Variants in SELENOP observed in about 807,000 individuals in gnomAD.
SELENOP encodes selenoprotein P, plasma, 1.
SELENOP carries 36 observed loss-of-function variants against 41.0 expected under a neutral mutation model. The observed-to-expected ratio is 0.88, with a 90% CI of 0.67 to 1.16. The LOEUF (loss-of-function observed/expected upper bound fraction) is 1.16, where lower values mean the gene tolerates loss of function less well. Among genes scored for constraint, SELENOP ranks in the 50% most tolerant of loss-of-function variants. The pLI, the probability that SELENOP is intolerant of heterozygous loss-of-function variation, is 0.00. For missense variants in SELENOP, 440 were observed against 454.2 expected (o/e 0.97, Z 0.28); for synonymous variants, 144 against 150.8 (o/e 0.95, Z 0.33).
At chr5:42,807,146 C>G (rs746232684) in intron 2 of SELENOP, 38 bp from the exon 3 acceptor site, 58 of 1,043,666 alleles carry the variant, frequency 5.6e-5, no homozygotes, top group Non-Finnish European at 8.2e-5. Context: ...AATGAATAAT[C>G]TCATTTGATT....
At chr5:42,810,339 TAGAA>T (rs1457730082) in intron 1 of SELENOP, among the ~76,000 whole-genome samples, 1 of 152,246 alleles carries the variant, frequency 6.6e-6, no homozygotes, top group African/African-American at 2.4e-5. Context: ...TATTTCTTAA[TAGAA>T]AGGCTAGGTT....
intron 4 of SELENOP, among the ~76,000 whole-genome samples, chr5:42,804,207 A>G (rs1011289752): frequency 6.6e-6 from 1 of 152,352 alleles, no homozygotes; most frequent in African/African-American, 2.4e-5. Context: ...CACGCCTGTA[A>G]TCCCAGCACT....
At chr5:42,805,733 T>G (rs1310151746) in intron 3 of SELENOP, 1 of 152,202 alleles carries the variant, frequency 6.6e-6, no homozygotes, top group Non-Finnish European at 1.5e-5. Flanking sequence ...TTGTACAGGA[T>G]ATACAAATTG....
chr5:42,805,134 C>A (rs1031239876), intron 3 of SELENOP: 10 of 156,854 alleles, frequency 6.4e-5, no homozygotes, highest in Non-Finnish European at 1.1e-4. Flanking sequence ...ATCACTTGAG[C>A]TTGTCATAAC....
At chr5:42,801,444 G>T in intron 4 of SELENOP, 113 bp from the exon 5 acceptor site, 1 of 776,472 alleles carries the variant, frequency 1.3e-6, no homozygotes, top group Non-Finnish European at 2.0e-6. Flanking sequence ...TTAGAATCGA[G>T]CTGGCTTTGT....
chr5:42,805,497 C>T (rs562766596), intron 3 of SELENOP: 13 of 152,236 alleles, frequency 8.5e-5, no homozygotes, highest in African/African-American at 3.1e-4. Flanking sequence ...AAAAACAAAG[C>T]ACCAACTAAG....
At chr5:42,807,831 G>A (rs1259499269) in intron 2 of SELENOP, 1 of 164,100 alleles carries the variant, frequency 6.1e-6, no homozygotes, top group Non-Finnish European at 1.3e-5. Context: ...TCTGCCTCTT[G>A]TATTGAAGTA....
chr5:42,804,685 C>T lies in SELENOP; in HGVS notation c.505G>A (p.Glu169Lys). 2 of 1,599,402 alleles carry T rather than the reference C, an allele frequency of 1.3e-6. No individual in the cohort carries two copies. Among genetic ancestry groups the T allele is most frequent in the Non-Finnish European group, 1.7e-6 (2 of 1,170,524 alleles). The change falls in exon 4 of 5, where the codon GAA (glutamate) becomes AAA (lysine). Residue 169 changes from glutamate to lysine, a missense_variant. By Grantham distance (56) the Glu-to-Lys change is moderately conservative. Coordinates refer to ENST00000514985, the MANE Select transcript of SELENOP (RefSeq NM_005410.4). Reference sequence around the variant, plus strand: ...AGAGAGCAGTTTCCACATTTCTTTTCACAGTAAGCAATCTTAATGGCTTCT... The same window carrying T: ...AGAGAGCAGTTTCCACATTTCTTTTTACAGTAAGCAATCTTAATGGCTTCT... ...VEEAIKIAYCEKKCGNCSLTT... is the reference protein window; with the variant it reads ...VEEAIKIAYCKKKCGNCSLTT...
rs1263225627 is a variant in SELENOP at position 42,804,691 on chromosome 5, A to G, written c.499T>C (p.Tyr167His). 1 of 1,606,304 alleles carries G rather than the reference A, an allele frequency of 6.2e-7. No homozygotes were observed. The highest frequency in any genetic ancestry group is 1.3e-5 in the African/African-American group (1 of 74,614). Residue 167 changes from tyrosine (Y) to histidine (H), a missense_variant, in exon 4 of 5, where the codon TAC (tyrosine) becomes CAC (histidine). By Grantham distance (83) the Tyr-to-His change is moderately conservative. Transcript: ENST00000514985. The part of the protein sequence containing the change: ...PYVEEAIKIA[Y>H]CEKKCGNCSL... ...CAGTTTCCACATTTCTTTTCACAGT[A>G]AGCAATCTTAATGGCTTCTTCTACA...
intron 4 of SELENOP, chr5:42,802,178 G>T (rs1034602083): frequency 7.9e-5 from 12 of 152,096 alleles, no homozygotes; most frequent in African/African-American, 2.9e-4. Context: ...ATTACTGCCC[G>T]ACTCCCATTG....
chr5:42,809,954 C>T (rs946195348), intron 1 of SELENOP, among the ~76,000 whole-genome samples: 2 of 152,106 alleles, frequency 1.3e-5, no homozygotes, highest in Non-Finnish European at 2.9e-5. Context: ...ATGGTATTTA[C>T]AATGATAATA....
intron 1 of SELENOP, among the ~76,000 whole-genome samples, chr5:42,811,537 T>C (rs1412145790): frequency 6.6e-6 from 1 of 152,196 alleles, no homozygotes; most frequent in Non-Finnish European, 1.5e-5. Context: ...TAATACTGCC[T>C]ATGTAACATC....
At chr5:42,805,885 A>AT (rs1296121244) in intron 3 of SELENOP, 6 of 152,334 alleles carry the variant, frequency 3.9e-5, no homozygotes, top group Non-Finnish European at 7.4e-5. Flanking sequence ...AAAAAAATAA[A>AT]TGTGAATAAA....
At chr5:42,811,665 C>T (rs1393104684) in intron 1 of SELENOP, among the ~76,000 whole-genome samples, 171 bp downstream of exon 1, 1 of 152,180 alleles carries the variant, frequency 6.6e-6, no homozygotes, top group Non-Finnish European at 1.5e-5. Context: ...CTTCACCTAC[C>T]ACACCTAAGT....
rs751470148 is a variant in SELENOP, at chr5:42,808,330, G to A, written c.24C>T (p.Ala8=). The A allele has an allele frequency of 1.4e-6, 2 of 1,434,960 alleles. No individual in the cohort carries two copies. The highest frequency in any genetic ancestry group is 5.5e-5 in the Admixed American group (2 of 36,052). 88.9% of individuals were successfully genotyped at this position (1,434,960 alleles called of 1,614,324 possible). ...CCGATGGGAGGAGACAGAGAGCCAG[G>A]GCAAGCCCCAGGCTTCTCCACATTG... MWRSLGL[A]LALCLLPSGG... is the part of the protein sequence containing the mutation. The change falls in exon 2 of 5, where the codon GCC becomes GCT. Residue 8 remains alanine (A), a synonymous_variant. Transcript: ENST00000514985.
At chr5:42,806,048 G>C (rs1359914883) in intron 3 of SELENOP, 2 of 152,186 alleles carry the variant, frequency 1.3e-5, no homozygotes, top group Non-Finnish European at 2.9e-5. Context: ...AATAATTACG[G>C]ATATGAGATA....
intron 3 of SELENOP, chr5:42,806,483 G>A (rs1760331799): frequency 6.3e-6 from 1 of 158,448 alleles, no homozygotes; most frequent in South Asian, 1.8e-4. Context: ...TGTTTTAATT[G>A]TAATCAAGGG....
rs182964105 is a variant in SELENOP, at chr5:42,811,053, T to A, written c.-14+783A>T. ...TCCTGGAAGCTGATCCAATAAGAAT[T>A]GAAAAGTAGTTGTAAATTTCACTAT... On this transcript the variant is annotated intron_variant, in intron 1 of 4. Coordinates refer to ENST00000514985, the MANE Select transcript of SELENOP (RefSeq NM_005410.4). 6.6e-5 allele frequency among the ~76,000 whole-genome samples: 10 copies of A among 152,340 alleles called. No homozygotes were observed. In the East Asian group the frequency reaches 1.9e-3, roughly 29 times the overall value.
rs1445198975 is a variant in SELENOP, at chr5:42,801,142, C to T, written c.724G>A (p.Gly242Ser). ...PNAPTHPAPP[G>S]LHHHHKHKGQ... The stretch of plus-strand genomic sequence containing the variant: ...TTGTGCTTATGGTGGTGATGAAGGC[C>T]TGGAGGAGCAGGATGAGTAGGAGCA... The change falls in exon 5 of 5, where the codon GGC becomes AGC. Residue 242 changes from glycine to serine, a missense_variant. Physicochemically the swap from Gly to Ser is moderately conservative, Grantham distance 56. Transcript: ENST00000514985. The T allele has an allele frequency of 6.2e-7, 1 of 1,614,114 alleles. No individual in the cohort carries two copies. The highest frequency in any genetic ancestry group is 1.1e-5 in the South Asian group (1 of 91,068).
Sources: allele counts gnomAD v4.1 joint callset (sites outside exome capture counted in the v4.1 genomes callset), GRCh38; gene constraint gnomAD v4.1.1; transcripts MANE v1.5; gene names NCBI Gene and HGNC (gene_info 2026-07-23, HGNC 2026-07-21).